The following PRP4K variants were observed in gnomAD, a reference collection of about 807,000 sequenced individuals.
PRP4K encodes the protein pre-mRNA processing factor kinase PRP4K.
chr6:4,042,480 C>G, the PRP4K span: 2 of 1,599,700 alleles, frequency 1.3e-6, no homozygotes, highest in Non-Finnish European at 1.7e-6. Context: ...TTGAATTTTT[C>G]TTTAAGCCTT....
At chr6:4,042,261 A>C in the PRP4K span, among the ~76,000 whole-genome samples, 1 of 152,176 alleles carries the variant, frequency 6.6e-6, no homozygotes, top group African/African-American at 2.4e-5. Context: ...TTTTATTCCC[A>C]ATTTTGGTGC....
the PRP4K span, chr6:4,037,401 C>A: frequency 1.2e-6 from 2 of 1,602,148 alleles, no homozygotes; most frequent in African/African-American, 2.7e-5. Flanking sequence ...CTTAAGAACA[C>A]GACCTCGAGA....
the PRP4K span, chr6:4,047,109 A>G: frequency 1.5e-6 from 2 of 1,370,950 alleles, no homozygotes; most frequent in East Asian, 2.3e-5. Flanking sequence ...ATGACTTCCC[A>G]TTCACTTATT....
the PRP4K span, chr6:4,049,695 A>G: frequency 2.6e-6 from 4 of 1,566,556 alleles, no homozygotes; most frequent in Middle Eastern, 2.3e-4. Flanking sequence ...TCTATTTATT[A>G]TAGTCAGAAT....
chr6:4,048,748 T>C, the PRP4K span, among the ~76,000 whole-genome samples: 1 of 151,928 alleles, frequency 6.6e-6, no homozygotes, highest in Non-Finnish European at 1.5e-5. Context: ...TTTTTGTTTT[T>C]TAATTTTTAG....
the PRP4K span, among the ~76,000 whole-genome samples, chr6:4,054,092 T>G: frequency 6.6e-6 from 1 of 151,886 alleles, no homozygotes; most frequent in African/African-American, 2.4e-5. Context: ...TAAAAAAAAT[T>G]TTTTTTAGAG....
chr6:4,042,422 A>T, the PRP4K span: 1 of 1,268,576 alleles, frequency 7.9e-7, no homozygotes, highest in Non-Finnish European at 1.1e-6. Context: ...TCCTGCCTTT[A>T]ACTTTAAAAT....
At chr6:4,044,010 T>C in the PRP4K span, 27 of 1,613,914 alleles carry the variant, frequency 1.7e-5, no homozygotes, top group Admixed American at 2.2e-4. Flanking sequence ...TAATGACAGT[T>C]GAACAGAATA....
chr6:4,044,922 G>A, the PRP4K span, among the ~76,000 whole-genome samples: 1 of 150,672 alleles, frequency 6.6e-6, no homozygotes, highest in Non-Finnish European at 1.5e-5. Flanking sequence ...GAGTGCAGTG[G>A]CGCGATCTCA....
chr6:4,056,506 C>A, the PRP4K span: 1 of 1,610,730 alleles, frequency 6.2e-7, no homozygotes, highest in Non-Finnish European at 8.5e-7. Context: ...TGTCTAAGCA[C>A]TGTTTTCCAT....
chr6:4,042,535 A>C, the PRP4K span: 1 of 1,610,024 alleles, frequency 6.2e-7, no homozygotes, highest in Non-Finnish European at 8.5e-7. Flanking sequence ...CCCTAATAGA[A>C]CAGAGAAGAA....
the PRP4K span, among the ~76,000 whole-genome samples, chr6:4,055,094 A>G: frequency 6.6e-6 from 1 of 152,224 alleles, no homozygotes; most frequent in Non-Finnish European, 1.5e-5. Context: ...AATTTCAGGT[A>G]TCAGTGTGGT....
chr6:4,052,980 G>A, the PRP4K span: 1 of 1,036,828 alleles, frequency 9.6e-7, no homozygotes, highest in Non-Finnish European at 1.3e-6. Flanking sequence ...GCATAGTTCA[G>A]TATATTAATA....
At chr6:4,051,045 G>T in the PRP4K span, among the ~76,000 whole-genome samples, 1 of 152,102 alleles carries the variant, frequency 6.6e-6, no homozygotes, top group African/African-American at 2.4e-5. Context: ...AAGTAGCTGG[G>T]ATTACAGGCG....
the PRP4K span, among the ~76,000 whole-genome samples, chr6:4,048,149 C>T: frequency 3.3e-5 from 5 of 151,948 alleles, no homozygotes; most frequent in Non-Finnish European, 5.9e-5. Flanking sequence ...GAGGCCGAGA[C>T]GGGTGGATCA....
the PRP4K span, chr6:4,032,559 C>G: frequency 1.2e-6 from 2 of 1,613,378 alleles, no homozygotes; most frequent in Admixed American, 1.7e-5. Context: ...AAGACCTGGT[C>G]GTAGTCCTAA....
At chr6:4,039,541 A>C in the PRP4K span, among the ~76,000 whole-genome samples, 1 of 151,928 alleles carries the variant, frequency 6.6e-6, no homozygotes, top group Non-Finnish European at 1.5e-5. Context: ...TGGGGAGGGG[A>C]CTGTACCGAG....
At chr6:4,037,339 G>GA in the PRP4K span, 4 of 1,431,194 alleles carry the variant, frequency 2.8e-6, no homozygotes, top group South Asian at 3.1e-5. Flanking sequence ...TTTGCATATA[G>GA]AAAAAAATCA....
the PRP4K span, among the ~76,000 whole-genome samples, chr6:4,023,929 C>T: frequency 5.3e-5 from 8 of 150,676 alleles, no homozygotes; most frequent in East Asian, 3.9e-4. Context: ...TGCAGTGGTG[C>T]GATCTTGGCT....
Sources: allele counts gnomAD v4.1 joint callset (sites outside exome capture counted in the v4.1 genomes callset), GRCh38; gene constraint gnomAD v4.1.1; transcripts MANE v1.5; gene names NCBI Gene and HGNC (gene_info 2026-07-23, HGNC 2026-07-21).